The following STK10 variants were observed in gnomAD, a reference collection of about 807,000 sequenced individuals.
STK10 encodes the protein serine/threonine kinase 10.
A neutral mutation model predicts 113.8 loss-of-function variants in STK10; 78 were observed. The ratio of observed to expected loss-of-function variants is 0.69; its 90% CI spans 0.57 to 0.83. STK10 has a LOEUF of 0.83. STK10 is among the 40% of genes least tolerant of loss of function. The pLI, the probability that STK10 is intolerant of heterozygous loss-of-function variation, is 0.00. For missense variants in STK10, 1,109 were observed against 1,280.1 expected (o/e 0.87, Z 2.04); for synonymous variants, 465 against 494.7 (o/e 0.94, Z 0.80).
At chr5:172,071,212 CAAAAAAAA>C (rs369407918) in intron 12 of STK10, among the ~76,000 whole-genome samples, 356 of 26,576 alleles carry the variant, frequency 0.013, 1 homozygote, top group Middle Eastern at 0.045. Context: ...CTCTCTATCT[CAAAAAAAA>C]AAAAAAAAAA....
At chr5:172,052,839 A>G (rs758187070) in intron 18 of STK10, 90 bp downstream of exon 18, 85 of 1,264,658 alleles carry the variant, frequency 6.7e-5, no homozygotes, top group Non-Finnish European at 8.8e-5. Context: ...AGTCCACCAA[A>G]ATAAGGAGAC....
In STK10 at chr5:172,061,334, A is replaced by G. The variant is rs1483608826; in HGVS notation, c.2083-66T>C. On this transcript the variant is annotated intron_variant, in intron 13 of 18. Coordinates refer to ENST00000176763, the MANE Select transcript of STK10 (RefSeq NM_005990.4). ...CTTGGGCACCTCCATGTCTCTTCCT[A>G]TTATGGGAGAAAAGCCCGCGTGATC... The G allele has an allele frequency of 6.6e-6, 10 of 1,518,862 alleles. No homozygotes were observed. In the South Asian group the frequency reaches 7.6e-5, roughly 12 times the overall value. 94.1% of individuals were successfully genotyped at this position (1,518,862 alleles called of 1,614,324 possible). A position where few individuals can be genotyped will look rare whatever the true frequency, so the allele number is the denominator to read the frequency against.
chr5:172,106,903 A>G, intron 5 of STK10, 89 bp from the exon 6 acceptor site: 1 of 1,370,280 alleles, frequency 7.3e-7, no homozygotes. Context: ...ACCACGAGCC[A>G]CTGTCGGGGT....
At chr5:172,142,625 G>A (rs1001169036) in intron 2 of STK10, among the ~76,000 whole-genome samples, 3 of 152,312 alleles carry the variant, frequency 2.0e-5, no homozygotes, top group African/African-American at 7.2e-5. Flanking sequence ...AAAATGCCTG[G>A]ACCTCATAAG....
chr5:172,045,463 G>A (rs1351645193), intron 18 of STK10: 3 of 452,984 alleles, frequency 6.6e-6, no homozygotes, highest in African/African-American at 4.0e-5. Context: ...CAACTTGGGC[G>A]ACGGTGCGAG....
intron 1 of STK10, among the ~76,000 whole-genome samples, chr5:172,181,497 T>G (rs1463676846): frequency 2.0e-5 from 3 of 149,110 alleles, no homozygotes; most frequent in Admixed American, 6.6e-5. Context: ...TTTTTTTTTT[T>G]TTTGAGACAG....
intron 18 of STK10, among the ~76,000 whole-genome samples, chr5:172,047,903 T>TG (rs1483645265): frequency 7.0e-6 from 1 of 143,268 alleles, no homozygotes; most frequent in Non-Finnish European, 1.5e-5. Flanking sequence ...TTTTGGGTTT[T>TG]TTTTTTTTTT....
intron 10 of STK10, among the ~76,000 whole-genome samples, 174 bp downstream of exon 10, chr5:172,090,058 C>T (rs193152264): frequency 6.6e-5 from 10 of 152,064 alleles, no homozygotes; most frequent in East Asian, 1.9e-4. Flanking sequence ...GATAGGTGAA[C>T]GGTTGGGTAG....
intron 2 of STK10, among the ~76,000 whole-genome samples, chr5:172,153,325 A>AGAGAGAGAGAGAGAGAGAG (rs1770283325): frequency 2.1e-5 from 3 of 141,988 alleles, no homozygotes; most frequent in African/African-American, 8.0e-5. Context: ...AGAAAGAAAG[A>AGAGAGAGAGAGAGAGAGAG]AATGTAAAAT....
intron 18 of STK10, 22 bp from the exon 19 acceptor site, chr5:172,045,044 T>G (rs760570608): frequency 1.2e-6 from 2 of 1,612,604 alleles, no homozygotes; most frequent in Non-Finnish European, 1.7e-6. Context: ...AGAGGATGGA[T>G]GGCACTTGGT....
chr5:172,104,195 G>A (rs978545636), intron 7 of STK10, among the ~76,000 whole-genome samples: 8 of 152,352 alleles, frequency 5.3e-5, no homozygotes, highest in Admixed American at 3.3e-4. Context: ...GGGCAGGACC[G>A]GAGCCGACAC....
At chr5:172,143,997 G>A (rs1263818007) in intron 2 of STK10, among the ~76,000 whole-genome samples, 1 of 152,218 alleles carries the variant, frequency 6.6e-6, no homozygotes, top group East Asian at 1.9e-4. Flanking sequence ...TCCCTCTACT[G>A]CCAACCAAGA....
intron 3 of STK10, among the ~76,000 whole-genome samples, chr5:172,121,149 C>G (rs1282664556): frequency 2.0e-5 from 3 of 151,760 alleles, no homozygotes; most frequent in African/African-American, 7.3e-5. Flanking sequence ...CTGCCTCAGC[C>G]TCCCGAGTAG....
intron 10 of STK10, among the ~76,000 whole-genome samples, chr5:172,087,213 G>A (rs1768583599): frequency 6.6e-6 from 1 of 151,448 alleles, no homozygotes; most frequent in African/African-American, 2.4e-5. Flanking sequence ...CCTAGAGGGA[G>A]AAGAGATCCA....
intron 8 of STK10, among the ~76,000 whole-genome samples, chr5:172,094,258 G>A (rs773025251): frequency 8.3e-4 from 126 of 152,216 alleles, no homozygotes; most frequent in Non-Finnish European, 3.4e-4. Flanking sequence ...GGCCCACAGG[G>A]AGGGGTCAGT....
intron 10 of STK10, among the ~76,000 whole-genome samples, chr5:172,087,919 C>T (rs1768608303): frequency 9.9e-6 from 1 of 100,978 alleles, no homozygotes; most frequent in Admixed American, 8.6e-5. Context: ...TGAGCCACCG[C>T]GCCCGGCCTT....
chr5:172,057,286 C>T (rs1767826188), intron 15 of STK10, 63 bp downstream of exon 15: 2 of 1,547,698 alleles, frequency 1.3e-6, no homozygotes, highest in African/African-American at 1.4e-5. Context: ...TCACATACAG[C>T]CTCATGGCTC....
At chr5:172,114,336 A>G (rs73323517) in intron 4 of STK10, among the ~76,000 whole-genome samples, 1,788 of 148,218 alleles carry the variant, frequency 0.012, 40 homozygotes, top group African/African-American at 0.041. Flanking sequence ...TCTGATTACC[A>G]AAGTCATGTT....
intron 4 of STK10, among the ~76,000 whole-genome samples, chr5:172,116,172 C>G (rs1308717732): frequency 6.6e-6 from 1 of 152,174 alleles, no homozygotes; most frequent in African/African-American, 2.4e-5. Context: ...ACTCTGCCTC[C>G]TGGGTTCAAG....
Sources: gnomAD v4.1 joint callset for allele counts (sites outside exome capture counted in the v4.1 genomes callset) on GRCh38, gnomAD v4.1.1 for gene constraint, MANE v1.5 for transcripts, NCBI Gene and HGNC (gene_info 2026-07-23, HGNC 2026-07-21) for gene names.